SOD2: variants seen among roughly 807,000 people sequenced by gnomAD.
SOD2 encodes superoxide dismutase 2, also known as superoxide dismutase [Mn], mitochondrial.
In SOD2, 11 loss-of-function variants were observed where a neutral mutation model predicts 27.0. That is an observed-to-expected ratio of 0.41 (90% confidence interval 0.26 to 0.67). The LOEUF is 0.67. Ranked by LOEUF, SOD2 falls within the 30% of genes least tolerant of loss-of-function variation. The pLI is 0.34. For synonymous variants in SOD2, 105 were observed against 103.0 expected (o/e 1.02, Z -0.12); for missense variants, 250 against 274.5 (o/e 0.91, Z 0.63).
intron 1 of SOD2, chr6:159,755,232 G>C: frequency 6.2e-7 from 1 of 1,614,222 alleles, no homozygotes; most frequent in Non-Finnish European, 8.5e-7. Flanking sequence ...AAAGACTGCA[G>C]TCGTCTGACA....
chr6:159,689,701 T>C (rs1266486648), intron 2 of SOD2, among the ~76,000 whole-genome samples: 2 of 152,318 alleles, frequency 1.3e-5, no homozygotes, highest in East Asian at 3.9e-4. Context: ...GGCTCACGCC[T>C]GTAATCTCAG....
intron 2 of SOD2, among the ~76,000 whole-genome samples, chr6:159,689,422 T>C (rs2758334): frequency 0.4 from 61,218 of 152,102 alleles, 13,635 homozygotes; most frequent in Non-Finnish European, 0.49. Context: ...ATGGGTACCT[T>C]GCCAAATAAG....
chr6:159,693,567 G>C (rs1008147389), upstream of SOD2, among the ~76,000 whole-genome samples: 1 of 152,224 alleles, frequency 6.6e-6, no homozygotes, highest in African/African-American at 2.4e-5. Context: ...CGAAGGCCCT[G>C]CCTCCGGCTC....
rs1277603685 is a variant in SOD2 at position 159,674,547 on chromosome 6, C to T, written c.*7946G>A. 6.6e-6 allele frequency: 1 copy of T among 152,158 alleles called. No individual in the cohort carries two copies. The highest frequency in any genetic ancestry group is 2.4e-5 in the African/African-American group (1 of 41,438). 9.4% of individuals were successfully genotyped at this position (152,158 alleles called of 1,614,324 possible). On this transcript the variant is annotated 3_prime_UTR_variant, in exon 5 of 5. Transcript: ENST00000538183. ...AAAGGCCTTGGACAAAATTCAACAGCCCTTCATGCTAAAAACTCTCAATGA... is the reference window on the plus strand; with the variant it reads ...AAAGGCCTTGGACAAAATTCAACAGTCCTTCATGCTAAAAACTCTCAATGA...
At chr6:159,752,035 C>T (rs1380620703) in intron 1 of SOD2, among the ~76,000 whole-genome samples, 1 of 151,164 alleles carries the variant, frequency 6.6e-6, no homozygotes, top group Non-Finnish European at 1.5e-5. Flanking sequence ...TGCACTCCAG[C>T]CTGGCAACAC....
In SOD2 at chr6:159,723,173, A is replaced by G. The variant is rs374229952; in HGVS notation, c.-116+3956T>C. Among the ~76,000 whole-genome samples the G allele has an allele frequency of 1.8e-4, 27 of 152,312 alleles. No individual in the cohort carries two copies. The South Asian group carries it at 2.1e-3, about 12-fold the overall frequency. On this transcript the variant is annotated intron_variant, in intron 1 of 2. Coordinates refer to the SOD2 transcript ENST00000401980. Reference sequence around the variant, plus strand: ...ACTCCCTTGCTACAGCAAGTTCTCAATCGACTTTGCTTTTCTCATTTGGTT... The same window carrying G: ...ACTCCCTTGCTACAGCAAGTTCTCAGTCGACTTTGCTTTTCTCATTTGGTT...
chr6:159,712,361 C>CAT (rs1562438626), intron 1 of SOD2, among the ~76,000 whole-genome samples: 2 of 111,666 alleles, frequency 1.8e-5, no homozygotes, highest in Admixed American at 9.8e-5. Flanking sequence ...CACCACTCAG[C>CAT]TGCTCTGACC....
intron 1 of SOD2, among the ~76,000 whole-genome samples, chr6:159,698,770 T>C (rs1777475357): frequency 1.3e-5 from 2 of 151,830 alleles, no homozygotes; most frequent in Admixed American, 6.6e-5. Context: ...TTTATGAATA[T>C]TGTGTTCTTA....
chr6:159,707,213 A>G (rs892927814), intron 1 of SOD2, among the ~76,000 whole-genome samples: 1 of 152,230 alleles, frequency 6.6e-6, no homozygotes, highest in Non-Finnish European at 1.5e-5. Flanking sequence ...AAAGAACTAG[A>G]GAAGCAAGAG....
chr6:159,703,753 A>G (rs1433981319), intron 1 of SOD2, among the ~76,000 whole-genome samples: 1 of 152,226 alleles, frequency 6.6e-6, no homozygotes, highest in Non-Finnish European at 1.5e-5. Flanking sequence ...ATTTAACACA[A>G]GTGAAACTGC....
At chr6:159,732,650 C>T (rs1778644416) in intron 1 of SOD2, among the ~76,000 whole-genome samples, 1 of 152,114 alleles carries the variant, frequency 6.6e-6, no homozygotes. Flanking sequence ...GCCTGGTCAA[C>T]ATGGTGAAAC....
chr6:159,724,474 T>C (rs1197020457), intron 1 of SOD2, among the ~76,000 whole-genome samples: 3 of 152,206 alleles, frequency 2.0e-5, no homozygotes, highest in Non-Finnish European at 4.4e-5. Context: ...ACTTTTTTCA[T>C]CCTTAGAATA....
In SOD2 at chr6:159,711,580, A is replaced by G. The variant is rs1449951452; in HGVS notation, c.-116+15549T>C. On this transcript the variant is annotated intron_variant, in intron 1 of 2. Transcript: ENST00000401980. ...AACCACCTCCACAACCACCACTCAC[A>G]CTGCTCTGACCACCATAACCACCTC... 7.9e-4 allele frequency among the ~76,000 whole-genome samples: 29 copies of G among 36,842 alleles called. 2 individuals carry two copies. The highest frequency in any genetic ancestry group is 1.2e-3 in the Admixed American group (4 of 3,442). The allele number at this position is 36,842 out of a possible 152,430, so 24.2% of individuals were successfully genotyped here.
At chr6:159,723,819 T>G (rs1778087508) in intron 1 of SOD2, among the ~76,000 whole-genome samples, 1 of 152,202 alleles carries the variant, frequency 6.6e-6, no homozygotes, top group Admixed American at 6.5e-5. Flanking sequence ...AGTGCACTGG[T>G]GAGATCACAG....
In SOD2 at chr6:159,670,556, C is replaced by T. The variant is rs1403105526; in HGVS notation, c.*11937G>A. On this transcript the variant is annotated 3_prime_UTR_variant, in exon 5 of 5. Transcript: ENST00000538183. ...TTAATAATATCAATATCCATTTATC[C>T]TCTATAATCATAGTCAATACACAGA... 6.6e-6 allele frequency: 1 copy of T among 152,166 alleles called. No homozygotes were observed. The highest frequency in any genetic ancestry group is 2.1e-4 in the South Asian group (1 of 4,830). 9.4% of individuals were successfully genotyped at this position (152,166 alleles called of 1,614,324 possible).
chr6:159,761,196 G>A (rs1047286106), exon 1 of SOD2: 36 of 166,416 alleles, frequency 2.2e-4, no homozygotes, highest in African/African-American at 8.6e-4. Context: ...AAGCTTTCTT[G>A]TTCCACTATC....
intron 1 of SOD2, among the ~76,000 whole-genome samples, chr6:159,742,729 G>A (rs1469315407): frequency 6.6e-6 from 1 of 152,020 alleles, no homozygotes; most frequent in Non-Finnish European, 1.5e-5. Context: ...CTAATTTTGC[G>A]TGACTGTGTT....
intron 1 of SOD2, chr6:159,742,227 A>G: frequency 8.2e-7 from 1 of 1,224,292 alleles, no homozygotes; most frequent in South Asian, 1.3e-5. Context: ...GTTTTTATTA[A>G]AGCAAATGTA....
upstream of SOD2, chr6:159,727,374 TGGCGGGAGGCGGGAGGCGGGA>T (rs71033554): frequency 9.7e-7 from 1 of 1,032,506 alleles, no homozygotes; most frequent in Non-Finnish European, 1.2e-6. Flanking sequence ...GCGGGGAGGC[TGGCGGGAGGCGGGAGGCGGGA>T]GGCGGGAGGC....
Sources: gnomAD v4.1 joint callset for allele counts (sites outside exome capture counted in the v4.1 genomes callset) on GRCh38, gnomAD v4.1.1 for gene constraint, MANE v1.5 for transcripts, NCBI Gene and HGNC (gene_info 2026-07-23, HGNC 2026-07-21) for gene names.